PDE1C: variants seen among roughly 807,000 people sequenced by gnomAD.
PDE1C encodes the protein phosphodiesterase 1C, also known as dual specificity calcium/calmodulin-dependent 3',5'-cyclic nucleotide phosphodiesterase 1C.
PDE1C carries 62 observed loss-of-function variants against 93.1 expected under a neutral mutation model. That is an observed-to-expected ratio of 0.67 (90% confidence interval 0.54 to 0.82). The LOEUF (loss-of-function observed/expected upper bound fraction) is 0.82. PDE1C is among the 40% of genes least tolerant of loss of function. The probability of loss-of-function intolerance (pLI) is 0.00; values close to 1 mark genes in which losing one functional copy is unlikely to be tolerated. For synonymous variants in PDE1C, 325 were observed against 310.1 expected (o/e 1.05, Z -0.50); for missense variants, 742 against 884.6 (o/e 0.84, Z 2.04).
chr7:32,087,328 A>C (rs868320014), intron 3 of PDE1C, among the ~76,000 whole-genome samples: 2 of 151,996 alleles, frequency 1.3e-5, no homozygotes, highest in Admixed American at 6.5e-5. Context: ...TTAGAATGGC[A>C]ATCATTAAAA....
chr7:31,834,103 T>A (rs1051880136), intron 11 of PDE1C, among the ~76,000 whole-genome samples: 4 of 152,324 alleles, frequency 2.6e-5, no homozygotes, highest in Middle Eastern at 3.4e-3. Flanking sequence ...GATTTCTGCA[T>A]GGTGTTGAGC....
At chr7:31,907,070 G>GGTGTGTGTGTGTGTGTGT (rs55999814) in intron 2 of PDE1C, among the ~76,000 whole-genome samples, 2 of 145,206 alleles carry the variant, frequency 1.4e-5, no homozygotes, top group Non-Finnish European at 3.0e-5. Flanking sequence ...TGATATGTGG[G>GGTGTGTGTGTGTGTGTGT]GTGTGTGTGT....
intron 3 of PDE1C, among the ~76,000 whole-genome samples, chr7:32,116,171 C>A (rs1798975278): frequency 6.6e-6 from 1 of 152,142 alleles, no homozygotes; most frequent in Non-Finnish European, 1.5e-5. Context: ...CTACAGGGTG[C>A]TTTGAAACTT....
intron 14 of PDE1C, 46 bp from the exon 15 acceptor site, chr7:31,816,200 G>T: frequency 6.4e-7 from 1 of 1,563,966 alleles, no homozygotes; most frequent in Non-Finnish European, 8.8e-7. Flanking sequence ...GAGAAAAAGA[G>T]GTCATGCCGT....
At chr7:31,705,232 T>C in the PDE1C span, among the ~76,000 whole-genome samples, 1 of 152,108 alleles carries the variant, frequency 6.6e-6, no homozygotes, top group Admixed American at 6.5e-5. Flanking sequence ...CAGATTCTCA[T>C]ATGATTAAGT....
chr7:32,063,055 TAA>T (rs1401443880), intron 1 of PDE1C, among the ~76,000 whole-genome samples: 2 of 152,192 alleles, frequency 1.3e-5, no homozygotes, highest in African/African-American at 4.8e-5. Flanking sequence ...AACAGTACAA[TAA>T]AAGCCTGAAG....
chr7:32,147,328 G>GAAAGAAAGAAAA (rs1563353034), intron 3 of PDE1C, among the ~76,000 whole-genome samples: 2 of 143,108 alleles, frequency 1.4e-5, no homozygotes, highest in Admixed American at 7.0e-5. Context: ...AAGAAAGAAA[G>GAAAGAAAGAAAA]AAAGACGCTG....
At chr7:31,692,426 C>T in the PDE1C span, 6 of 1,585,774 alleles carry the variant, frequency 3.8e-6, no homozygotes, top group Non-Finnish European at 4.3e-6. Context: ...GAAATACATC[C>T]ACCCACCCTC....
chr7:31,754,317 A>G (rs1794312007), intron 17 of PDE1C, among the ~76,000 whole-genome samples: 1 of 152,228 alleles, frequency 6.6e-6, no homozygotes, highest in Non-Finnish European at 1.5e-5. Flanking sequence ...ACTTTGGAAG[A>G]CAGTTTGACC....
chr7:32,242,818 GT>G (rs1015891048), intron 1 of PDE1C, among the ~76,000 whole-genome samples: 5 of 152,182 alleles, frequency 3.3e-5, no homozygotes, highest in African/African-American at 1.2e-4. Context: ...AGACAACCCA[GT>G]TTTAGTTGAA....
At chr7:31,780,391 G>A (rs1485969016) in intron 16 of PDE1C, among the ~76,000 whole-genome samples, 1 of 152,160 alleles carries the variant, frequency 6.6e-6, no homozygotes, top group African/African-American at 2.4e-5. Flanking sequence ...CATAATGCTA[G>A]GAATCAGGGG....
At chr7:31,858,740 C>G (rs1429013635) in intron 7 of PDE1C, among the ~76,000 whole-genome samples, 1 of 152,010 alleles carries the variant, frequency 6.6e-6, no homozygotes, top group African/African-American at 2.4e-5. Flanking sequence ...TAATAACTAT[C>G]ATTTACTAAT....
intron 2 of PDE1C, among the ~76,000 whole-genome samples, chr7:31,961,568 T>C (rs1191492318): frequency 6.6e-6 from 1 of 152,040 alleles, no homozygotes; most frequent in Non-Finnish European, 1.5e-5. Flanking sequence ...TGGGGCAACA[T>C]GAGACACAGG....
rs59580872 is a variant in PDE1C at position 32,047,062 on chromosome 7, A to AGTGTGTGTGT, written c.128+4482_128+4491dup. ...GTGTGTGTGTGTGTGTGCGAGACAGAGTGTGTGTGTGTGTGTGTGTGTGTG... is the reference window on the plus strand; with the variant it reads ...GTGTGTGTGTGTGTGTGCGAGACAGAGTGTGTGTGTGTGTGTGTGTGTGTGTGTGTGTGTG... On this transcript the variant is annotated intron_variant, in intron 2 of 17. Coordinates refer to ENST00000396191, the MANE Select transcript of PDE1C (RefSeq NM_001191057.4). 1.3e-3 allele frequency among the ~76,000 whole-genome samples: 197 copies of AGTGTGTGTGT among 145,964 alleles called. 5 individuals carry two copies. The South Asian group carries it at 0.017, about 12-fold the overall frequency.
the PDE1C span, among the ~76,000 whole-genome samples, chr7:31,696,418 T>A: frequency 6.6e-6 from 1 of 152,168 alleles, no homozygotes; most frequent in Admixed American, 6.5e-5. Flanking sequence ...CTGTTGGAGC[T>A]CAGTGTGGGT....
At chr7:31,740,439 T>C in the PDE1C span, among the ~76,000 whole-genome samples, 1 of 152,176 alleles carries the variant, frequency 6.6e-6, no homozygotes, top group Non-Finnish European at 1.5e-5. Context: ...CTTTAAAAAA[T>C]TGAGAAAGTG....
At chr7:32,275,954 T>A (rs1811257089) in intron 1 of PDE1C, among the ~76,000 whole-genome samples, 2 of 152,242 alleles carry the variant, frequency 1.3e-5, no homozygotes, top group African/African-American at 4.8e-5. Flanking sequence ...TAACTGTAGA[T>A]ACCAGCTTAT....
intron 2 of PDE1C, among the ~76,000 whole-genome samples, chr7:31,973,732 C>T (rs777452429): frequency 8.5e-5 from 13 of 152,148 alleles, no homozygotes; most frequent in Non-Finnish European, 1.2e-4. Context: ...CAAGGTCACA[C>T]AGCTAGTAAG....
chr7:32,364,149 G>A (rs1247850430), intron 1 of PDE1C, among the ~76,000 whole-genome samples: 1 of 152,104 alleles, frequency 6.6e-6, no homozygotes, highest in Non-Finnish European at 1.5e-5. Context: ...ATCTATTTGA[G>A]CAGGATTCCC....
Sources: allele counts gnomAD v4.1 joint callset (sites outside exome capture counted in the v4.1 genomes callset), GRCh38; gene constraint gnomAD v4.1.1; transcripts MANE v1.5; gene names NCBI Gene and HGNC (gene_info 2026-07-23, HGNC 2026-07-21).